Variants in KCNQ2 observed in about 807,000 individuals in gnomAD.
KCNQ2 encodes the protein potassium voltage-gated channel subfamily Q member 2.
A neutral mutation model predicts 84.8 loss-of-function variants in KCNQ2; 14 were observed. The observed-to-expected ratio is 0.17, with a 90% CI of 0.11 to 0.26. The LOEUF is 0.26. Ranked by LOEUF, KCNQ2 falls within the 10% of genes least tolerant of loss-of-function variation. The probability of loss-of-function intolerance (pLI) is 1.00; values close to 1 mark genes in which losing one functional copy is unlikely to be tolerated. For missense variants in KCNQ2, 788 were observed against 1,254.0 expected, an observed-to-expected ratio of 0.63 and a Z score of 5.61; for synonymous variants, 599 against 554.1, an observed-to-expected ratio of 1.08 and a Z score of -1.14.
In KCNQ2 at chr20:63,446,787, T is replaced by C. The variant is rs1439320142; in HGVS notation, c.347A>G (p.Lys116Arg). 6.2e-7 allele frequency: 1 copy of C among 1,613,332 alleles called. No homozygotes were observed. Among genetic ancestry groups the C allele is most frequent in the African/African-American group, 1.3e-5 (1 of 74,856 alleles). ...CLVLSVFSTI[K>R]EYEKSSEGAL... ...CCCCTCCGAGCTCTTCTCATACTCC[T>C]TGATGGTGGAAAACACAGACAGCAC... Residue 116 changes from lysine (K) to arginine (R), a missense_variant, in exon 2 of 17, where the codon AAG (lysine) becomes AGG (arginine). Physicochemically the swap from Lys to Arg is conservative, Grantham distance 26. Transcript: ENST00000359125. The surrounding 1 kb of genome is among the most constrained non-coding windows in gnomAD (Gnocchi z 5.5).
intron 1 of KCNQ2, among the ~76,000 whole-genome samples, chr20:63,467,348 AGCTCCTCTACG>A (rs1232957629): frequency 6.6e-6 from 1 of 152,198 alleles, no homozygotes; most frequent in Non-Finnish European, 1.5e-5. Flanking sequence ...CTTCAGGCCC[AGCTCCTCTACG>A]GCTCCTCTAC....
chr20:63,452,572 C>G (rs1456027309), intron 1 of KCNQ2, among the ~76,000 whole-genome samples: 1 of 152,248 alleles, frequency 6.6e-6, no homozygotes. Flanking sequence ...TGCGTGTATA[C>G]AGAGTGTATG....
At chr20:63,442,298 G>GCCCCGA (rs2145734456) in intron 5 of KCNQ2, 108 bp downstream of exon 5, 1 of 1,550,778 alleles carries the variant, frequency 6.4e-7, no homozygotes, top group East Asian at 2.3e-5. Flanking sequence ...CCAGCAGGTG[G>GCCCCGA]CCCCAAAGAG....
intron 14 of KCNQ2, 43 bp from the exon 15 acceptor site, chr20:63,413,624 C>T (rs755808553): frequency 1.2e-6 from 2 of 1,611,126 alleles, no homozygotes; most frequent in Admixed American, 3.3e-5. Context: ...GGCCAGAGAC[C>T]CCCGGCCACA....
At chr20:63,467,911 T>C (rs1427125276) in intron 1 of KCNQ2, among the ~76,000 whole-genome samples, 3 of 152,176 alleles carry the variant, frequency 2.0e-5, no homozygotes, top group Non-Finnish European at 2.9e-5. Context: ...TGGCTTGCAG[T>C]GATTTCTAAT....
chr20:63,428,690 G>A (rs922691986), intron 9 of KCNQ2, among the ~76,000 whole-genome samples: 10 of 152,192 alleles, frequency 6.6e-5, no homozygotes, highest in Non-Finnish European at 1.5e-4. Flanking sequence ...GCAGGGAGGA[G>A]GGAAGAGGGC....
At chr20:63,464,979 C>G (rs1307138132) in intron 1 of KCNQ2, among the ~76,000 whole-genome samples, 1 of 152,256 alleles carries the variant, frequency 6.6e-6, no homozygotes, top group Non-Finnish European at 1.5e-5. Context: ...AAAAGCCACA[C>G]AAGCTCACCA....
At chr20:63,444,965 G>T (rs1392637050) in intron 3 of KCNQ2, 131 bp from the exon 4 acceptor site, 1 of 1,093,450 alleles carries the variant, frequency 9.1e-7, no homozygotes, top group Non-Finnish European at 1.3e-6. Flanking sequence ...CCTGGTGTGG[G>T]CTCTGTCAGG....
chr20:63,443,268 TCAC>T (rs1207946350), intron 4 of KCNQ2, among the ~76,000 whole-genome samples: 9 of 9,852 alleles, frequency 9.1e-4, no homozygotes, highest in African/African-American at 1.5e-3. Context: ...GCCACCATCA[TCAC>T]CACCATCACC....
intron 15 of KCNQ2, chr20:63,411,822 G>A: frequency 4.3e-6 from 3 of 691,900 alleles, no homozygotes; most frequent in Non-Finnish European, 8.0e-6. Flanking sequence ...TGGGTCCTTT[G>A]GTGGGGTACT....
At chr20:63,442,940 AC>A (rs1294467699) in intron 4 of KCNQ2, among the ~76,000 whole-genome samples, 3 of 94,806 alleles carry the variant, frequency 3.2e-5, no homozygotes, top group Non-Finnish European at 4.5e-5. Flanking sequence ...CATCACCACC[AC>A]CATCACCATC....
intron 1 of KCNQ2, among the ~76,000 whole-genome samples, chr20:63,450,539 T>A (rs1221747533): frequency 2.9e-4 from 2 of 6,844 alleles, no homozygotes; most frequent in Non-Finnish European, 6.0e-4. Flanking sequence ...TGCTGGGGGG[T>A]GGGGGAAGAC....
intron 11 of KCNQ2, among the ~76,000 whole-genome samples, chr20:63,423,098 C>T (rs1049069405): frequency 6.6e-6 from 1 of 152,212 alleles, no homozygotes; most frequent in East Asian, 1.9e-4. Context: ...TCTGGGCCCT[C>T]GTCCGTTTTC....
intron 11 of KCNQ2, among the ~76,000 whole-genome samples, chr20:63,422,860 C>A (rs373760999): frequency 1.3e-5 from 2 of 152,262 alleles, no homozygotes; most frequent in Admixed American, 6.5e-5. Flanking sequence ...GCGTCGCTCC[C>A]AGCAAGGGCG....
At chr20:63,431,303 C>T (rs1568910812) in intron 9 of KCNQ2, 37 bp downstream of exon 9, 1 of 1,611,184 alleles carries the variant, frequency 6.2e-7, no homozygotes, top group East Asian at 2.2e-5. Context: ...ACTAGAACCA[C>T]ACACACACAC....
Position 63,408,678 on chromosome 20 carries a change from G to A in KCNQ2, c.1764-142C>T. 1.6e-6 allele frequency: 2 copies of A among 1,283,348 alleles called. No homozygotes were observed. The highest frequency in any genetic ancestry group is 2.6e-5 in the South Asian group (2 of 78,192). 79.5% of individuals were successfully genotyped at this position (1,283,348 alleles called of 1,614,324 possible). On this transcript the variant is annotated intron_variant, in intron 15 of 16. Transcript: ENST00000359125. The surrounding 1 kb of genome is among the most constrained non-coding windows in gnomAD (Gnocchi z 5.0). Reference sequence around the variant, plus strand: ...GCCGACCAGGGGGCAGTGGGTGCCAGGACAGATGGACGGGGTGCGCCCCGT... The same window carrying A: ...GCCGACCAGGGGGCAGTGGGTGCCAAGACAGATGGACGGGGTGCGCCCCGT...
At chr20:63,443,001 C>T (rs1454467622) in intron 4 of KCNQ2, among the ~76,000 whole-genome samples, 4 of 43,872 alleles carry the variant, frequency 9.1e-5, no homozygotes, top group Admixed American at 2.3e-4. Flanking sequence ...ATCACCATCA[C>T]CACCATCACC....
intron 6 of KCNQ2, among the ~76,000 whole-genome samples, chr20:63,439,292 C>T (rs929298077): frequency 1.3e-5 from 2 of 152,242 alleles, no homozygotes; most frequent in African/African-American, 2.4e-5. Context: ...CTCCTGGTCA[C>T]AAGGACCTCC....
At chr20:63,461,910 G>A (rs74547232) in intron 1 of KCNQ2, among the ~76,000 whole-genome samples, 2 of 138,058 alleles carry the variant, frequency 1.4e-5, no homozygotes, top group African/African-American at 2.8e-5. Context: ...CAGGGAGCAG[G>A]GAGGAGGCTG....
Sources: gnomAD v4.1 joint callset for allele counts (sites outside exome capture counted in the v4.1 genomes callset) on GRCh38, gnomAD v4.1.1 for gene constraint, Gnocchi (gnomAD v3.1) non-coding constraint, MANE v1.5 for transcripts, NCBI Gene and HGNC (gene_info 2026-07-23, HGNC 2026-07-21) for gene names.